EPHB1: variants seen among roughly 807,000 people sequenced by gnomAD.
EPHB1 encodes ephrin type-B receptor 1.
EPHB1 carries 30 observed loss-of-function variants against 94.4 expected under a neutral mutation model. That is an observed-to-expected ratio of 0.32 (90% CI 0.24 to 0.43). The LOEUF is 0.43. Among genes scored for constraint, EPHB1 ranks in the 20% least tolerant of loss-of-function variants. The pLI, the probability that EPHB1 is intolerant of heterozygous loss-of-function variation, is 1.00. For synonymous variants in EPHB1, 522 were observed against 489.1 expected (o/e 1.07, Z -0.89); for missense variants, 1,055 against 1,308.3 (o/e 0.81, Z 2.99).
chr3:134,911,181 G>A (rs897048200), intron 1 of EPHB1, among the ~76,000 whole-genome samples: 3 of 152,356 alleles, frequency 2.0e-5, no homozygotes, highest in Non-Finnish European at 2.9e-5. Flanking sequence ...AGTGGATGCA[G>A]TGGACAGGGC....
At chr3:135,148,955 GT>G (rs1251405897) in intron 5 of EPHB1, among the ~76,000 whole-genome samples, 9 of 152,158 alleles carry the variant, frequency 5.9e-5, no homozygotes, top group African/African-American at 2.2e-4. Context: ...TTGAACCCTA[GT>G]TGATTTTTCC....
At chr3:134,869,403 T>C (rs1488987190) in intron 1 of EPHB1, among the ~76,000 whole-genome samples, 1 of 152,208 alleles carries the variant, frequency 6.6e-6, no homozygotes, top group Non-Finnish European at 1.5e-5. Flanking sequence ...TTCCTGGGAC[T>C]ACACCTTCCG....
chr3:135,245,042 C>T (rs1943886026), intron 13 of EPHB1, among the ~76,000 whole-genome samples: 1 of 152,194 alleles, frequency 6.6e-6, no homozygotes, highest in African/African-American at 2.4e-5. Context: ...CTATGCTCTA[C>T]CCTGAAAAGT....
chr3:135,157,658 T>C (rs557016745), intron 6 of EPHB1, among the ~76,000 whole-genome samples: 2 of 152,228 alleles, frequency 1.3e-5, no homozygotes, highest in Non-Finnish European at 1.5e-5. Flanking sequence ...CCATTTGGTA[T>C]ACGACTGTGG....
chr3:135,025,478 T>C (rs1243659909), intron 3 of EPHB1, among the ~76,000 whole-genome samples: 11 of 83,392 alleles, frequency 1.3e-4, no homozygotes, highest in African/African-American at 3.0e-4. Context: ...TTTTTGTTCT[T>C]GCGATAGTTT....
In EPHB1 at chr3:134,856,715, G is replaced by A. The variant is rs147966585; in HGVS notation, c.58+61026G>A. On this transcript the variant is annotated intron_variant, in intron 1 of 15. Coordinates refer to ENST00000398015, the MANE Select transcript of EPHB1 (RefSeq NM_004441.5). ...ACTTAGTATGAAAAAAACAAGAAAT[G>A]TCTTGACAATTTTTAGTCTAATTAT... is the stretch of plus-strand genomic sequence containing the variant. Among the ~76,000 whole-genome samples, 4 of 152,326 alleles carry A rather than the reference G, an allele frequency of 2.6e-5. No homozygotes were observed. The East Asian group carries it at 7.7e-4, about 29-fold the overall frequency.
At chr3:135,233,619 C>A (rs1033620463) in intron 12 of EPHB1, among the ~76,000 whole-genome samples, 1 of 152,216 alleles carries the variant, frequency 6.6e-6, no homozygotes, top group Admixed American at 6.5e-5. Context: ...CAGGCAATGC[C>A]CCAATGGGGA....
chr3:135,121,740 G>A (rs1423644593), intron 4 of EPHB1, among the ~76,000 whole-genome samples: 1 of 152,064 alleles, frequency 6.6e-6, no homozygotes. Context: ...GGTCTCAGGG[G>A]CCCTAGGCAA....
At chr3:134,924,896 G>A (rs2038759517) in intron 1 of EPHB1, among the ~76,000 whole-genome samples, 1 of 152,166 alleles carries the variant, frequency 6.6e-6, no homozygotes. Flanking sequence ...CATTACCTGG[G>A]ACAGGGACAT....
At chr3:134,986,044 G>A (rs1045846178) in intron 3 of EPHB1, among the ~76,000 whole-genome samples, 1 of 152,054 alleles carries the variant, frequency 6.6e-6, no homozygotes. Flanking sequence ...CAATAACTTG[G>A]GAATGAAACA....
intron 13 of EPHB1, among the ~76,000 whole-genome samples, chr3:135,243,452 G>A (rs1943844101): frequency 6.6e-6 from 1 of 152,150 alleles, no homozygotes; most frequent in East Asian, 1.9e-4. Context: ...GTCTCAGAGG[G>A]AATAAGAACA....
At chr3:134,844,354 G>C (rs1415106562) in intron 1 of EPHB1, among the ~76,000 whole-genome samples, 4 of 152,212 alleles carry the variant, frequency 2.6e-5, no homozygotes, top group Admixed American at 1.3e-4. Context: ...TGGCTTTCCA[G>C]TGGGATCTTC....
Position 135,034,530 on chromosome 3 carries a change from G to C in EPHB1, c.806-71918G>C, listed in dbSNP as rs911156833. On this transcript the variant is annotated intron_variant, in intron 3 of 15. Transcript: ENST00000398015. ...TCTGAGAGGCAGGTGCTGTCTGCCT[G>C]GGGGAGGATTAGAGGCTGAAAACCC... Among the ~76,000 whole-genome samples the C allele has an allele frequency of 2.6e-5, 4 of 152,238 alleles. No individual in the cohort carries two copies. In the South Asian group the frequency reaches 8.3e-4, roughly 32 times the overall value.
At chr3:135,153,995 A>C (rs1576431000) in intron 5 of EPHB1, among the ~76,000 whole-genome samples, 157 bp from the exon 6 acceptor site, 1 of 152,230 alleles carries the variant, frequency 6.6e-6, no homozygotes, top group East Asian at 1.9e-4. Context: ...ATTCTGCAAA[A>C]CCCACAGGAA....
intron 4 of EPHB1, 38 bp downstream of exon 4, chr3:135,106,641 G>A (rs1939230819): frequency 6.2e-7 from 1 of 1,608,208 alleles, no homozygotes; most frequent in African/African-American, 1.3e-5. Flanking sequence ...GGGGAGTTTG[G>A]TTCCCTGATG....
intron 1 of EPHB1, among the ~76,000 whole-genome samples, chr3:134,888,384 G>A (rs2037900273): frequency 6.6e-6 from 1 of 152,174 alleles, no homozygotes; most frequent in Non-Finnish European, 1.5e-5. Flanking sequence ...GATCTGATGT[G>A]GCCTATATCC....
At chr3:134,959,145 T>C (rs373934776) in intron 3 of EPHB1, among the ~76,000 whole-genome samples, 1 of 151,944 alleles carries the variant, frequency 6.6e-6, no homozygotes, top group African/African-American at 2.4e-5. Context: ...TGAGGTGGGG[T>C]GGGTAGTGGG....
chr3:134,969,584 G>A (rs1933893004), intron 3 of EPHB1, among the ~76,000 whole-genome samples: 1 of 152,114 alleles, frequency 6.6e-6, no homozygotes, highest in South Asian at 2.1e-4. Context: ...CTCTGCTTGG[G>A]CTTCTTTTCT....
At position 135,087,223 on chromosome 3, in the gene EPHB1, C is replaced by A. The variant is rs139462800; in HGVS notation, c.806-19225C>A. Among the ~76,000 whole-genome samples the A allele has an allele frequency of 3.3e-5, 5 of 152,198 alleles. No individual in the cohort carries two copies. The East Asian group carries it at 9.6e-4, about 29-fold the overall frequency. On this transcript the variant is annotated intron_variant, in intron 3 of 15. Transcript: ENST00000398015. ...CTTGATGAACCGATACATTTTTAGC[C>A]CCCACTGATGAATTTGGGAATCGAA...
Sources: allele counts gnomAD v4.1 joint callset (sites outside exome capture counted in the v4.1 genomes callset), GRCh38; gene constraint gnomAD v4.1.1; transcripts MANE v1.5; gene names NCBI Gene and HGNC (gene_info 2026-07-23, HGNC 2026-07-21).